Variants in POGLUT2 observed in about 807,000 individuals in gnomAD.
POGLUT2 encodes the protein ER protein 58.
A neutral mutation model predicts 57.6 loss-of-function variants in POGLUT2; 47 were observed. The observed-to-expected ratio is 0.82, with a 90% CI of 0.65 to 1.04. The LOEUF is 1.04. POGLUT2 is among the 50% of genes least tolerant of loss of function. The pLI is 0.00. For synonymous variants in POGLUT2, 200 were observed against 218.8 expected (o/e 0.91, Z 0.76); for missense variants, 565 against 614.8 (o/e 0.92, Z 0.86).
chr13:102,798,487 A>T lies in POGLUT2; in HGVS notation c.182+2T>A. 2 of 1,573,448 alleles carry T rather than the reference A, an allele frequency of 1.3e-6. No homozygotes were observed. The highest frequency in any genetic ancestry group is 1.7e-6 in the Non-Finnish European group (2 of 1,158,062). On this transcript the variant is annotated splice_donor_variant, in intron 1 of 9. Transcript: ENST00000376004. LOFTEE classifies it high-confidence loss of function. Reference sequence around the variant, plus strand: ...TAGGTAAGGAGCCGTTTCTCGACTTACTTATTCCCTGATGTATCCACTGCC... The same window carrying T: ...TAGGTAAGGAGCCGTTTCTCGACTTTCTTATTCCCTGATGTATCCACTGCC...
rs7993350 is a variant in POGLUT2 at position 102,798,700 on chromosome 13, C to T, written c.-30G>A. ...AAGACGGACTCTCGAAATGATCCAC[C>T]GATAAATGAAGAAGTGTAAGAGGTG... is the stretch of plus-strand genomic sequence containing the variant. On this transcript the variant is annotated 5_prime_UTR_variant, in exon 1 of 10. Transcript: ENST00000376004. 1 of 1,556,426 alleles carries T rather than the reference C, an allele frequency of 6.4e-7. No homozygotes were observed.
At chr13:102,788,074 C>A (rs183974374) in intron 7 of POGLUT2, 151 bp from the exon 8 acceptor site, 294 of 509,558 alleles carry the variant, frequency 5.8e-4, no homozygotes, top group African/African-American at 4.9e-3. Flanking sequence ...GAACATTTAA[C>A]AGAGTATGTT....
Position 102,798,663 on chromosome 13 carries a change from C to A in POGLUT2, c.8G>T (p.Gly3Val), listed in dbSNP as rs201869740. The A allele has an allele frequency of 6.3e-7, 1 of 1,591,460 alleles. No individual in the cohort carries two copies. Among genetic ancestry groups the A allele is most frequent in the Admixed American group, 1.8e-5 (1 of 56,902 alleles). MF[G>V]TLLLYCFFLA... The stretch of plus-strand genomic sequence containing the variant: ...AAAGAAGCAATAAAGTAGCAAAGTG[C>A]CAAACATTTACAAGACGGACTCTCG... Residue 3 changes from glycine to valine, a missense_variant, in exon 1 of 10, where the codon GGC (glycine) becomes GTC (valine). Physicochemically the swap from Gly to Val is moderately radical, Grantham distance 109. Transcript: ENST00000376004.
In POGLUT2 at chr13:102,796,490, A is replaced by C. The variant is rs111540182; in HGVS notation, c.388+314T>G. ...TTACTTAAGTCATATATTTCCAATT[A>C]AGAAAGTATCATATATGAGCATGAA... On this transcript the variant is annotated intron_variant, in intron 2 of 9. Transcript: ENST00000376004. 5.3e-3 allele frequency among the ~76,000 whole-genome samples: 799 copies of C among 151,196 alleles called. 13 individuals carry two copies. The highest frequency in any genetic ancestry group is 0.018 in the African/African-American group (759 of 41,414).
rs184889384 is a variant in POGLUT2, at chr13:102,789,789, G to A, written c.1084-568C>T. Reference sequence around the variant, plus strand: ...ATTTTTGTATTTTTAGTAGAGATGCGGTTTCACCATGTTGGCCAGGCTGGT... The same window carrying A: ...ATTTTTGTATTTTTAGTAGAGATGCAGTTTCACCATGTTGGCCAGGCTGGT... On this transcript the variant is annotated intron_variant, in intron 6 of 9. Coordinates refer to ENST00000376004, the MANE Select transcript of POGLUT2 (RefSeq NM_024089.3). Among the ~76,000 whole-genome samples, 93 of 152,202 alleles carry A rather than the reference G, an allele frequency of 6.1e-4. 2 individuals are homozygous for A. The East Asian group carries it at 0.015, about 24-fold the overall frequency.
Position 102,798,596 on chromosome 13 carries a change from C to T in POGLUT2, c.75G>A (p.Arg25=). The T allele has an allele frequency of 6.2e-7, 1 of 1,613,670 alleles. No homozygotes were observed. Residue 25 remains arginine (R), a synonymous_variant, in exon 1 of 10, where the codon AGG becomes AGA. Transcript: ENST00000376004. ...VPALAETGGE[R]QLSPEKSEIW... is the part of the protein sequence containing the mutation. ...TTTCGCTCTTCTCCGGGCTCAGCTG[C>T]CTTTCTCCGCCGGTCTCGGCGAGTG...
chr13:102,798,056 G>A (rs1566440315), intron 1 of POGLUT2, among the ~76,000 whole-genome samples: 1 of 152,092 alleles, frequency 6.6e-6, no homozygotes, highest in Non-Finnish European at 1.5e-5. Flanking sequence ...GTTTCAAATA[G>A]TACTTCATTT....
intron 4 of POGLUT2, chr13:102,791,868 GCTTC>G (rs1878193584): frequency 4.5e-6 from 3 of 664,214 alleles, no homozygotes; most frequent in Non-Finnish European, 6.8e-6. Flanking sequence ...TTCAAGCTAT[GCTTC>G]CTTCCTCTAC....
At chr13:102,793,297 G>C (rs1404265168) in intron 4 of POGLUT2, 44 bp downstream of exon 4, 1 of 1,034,874 alleles carries the variant, frequency 9.7e-7, no homozygotes, top group East Asian at 2.4e-5. Context: ...TGTAAAATCT[G>C]GGCTTAAATT....
At position 102,784,450 on chromosome 13, in the gene POGLUT2, A is replaced by G. The variant is rs183949385; in HGVS notation, c.*45T>C. ...AAAAAATTCTTCTTTTTAGTTAAGA[A>G]GAGTCTTCAGAGCACCATTATTCTA... is the stretch of plus-strand genomic sequence containing the variant. On this transcript the variant is annotated 3_prime_UTR_variant, in exon 10 of 10. Transcript: ENST00000376004. 121 of 1,226,302 alleles carry G rather than the reference A, an allele frequency of 9.9e-5. No homozygotes were observed. The East Asian group carries it at 2.1e-3, about 21-fold the overall frequency. 76.0% of individuals were successfully genotyped at this position (1,226,302 alleles called of 1,614,324 possible).
intron 1 of POGLUT2, among the ~76,000 whole-genome samples, chr13:102,797,386 T>TC (rs1878449751): frequency 1.3e-5 from 2 of 152,234 alleles, no homozygotes; most frequent in African/African-American, 4.8e-5. Flanking sequence ...GATAATGATC[T>TC]TATTTTGAAA....
intron 6 of POGLUT2, among the ~76,000 whole-genome samples, chr13:102,789,754 C>G (rs1036185112): frequency 6.6e-6 from 1 of 152,144 alleles, no homozygotes; most frequent in Non-Finnish European, 1.5e-5. Flanking sequence ...CGCACCACCA[C>G]GCCCAGCTAA....
At chr13:102,798,032 T>C (rs530100465) in intron 1 of POGLUT2, among the ~76,000 whole-genome samples, 3 of 152,334 alleles carry the variant, frequency 2.0e-5, no homozygotes, top group Middle Eastern at 3.4e-3. Flanking sequence ...GATACTTTCC[T>C]TCCGAACTCT....
At chr13:102,785,789 G>C (rs1877918647) in intron 9 of POGLUT2, among the ~76,000 whole-genome samples, 1 of 152,166 alleles carries the variant, frequency 6.6e-6, no homozygotes, top group African/African-American at 2.4e-5. Context: ...TTATGTAGTG[G>C]TATCAACTGA....
chr13:102,787,779 G>T, intron 8 of POGLUT2, 55 bp downstream of exon 8: 1 of 909,452 alleles, frequency 1.1e-6, no homozygotes, highest in Non-Finnish European at 1.7e-6. Flanking sequence ...AATATTATTT[G>T]TTCTTAACAT....
rs763133995 is a variant in POGLUT2, at chr13:102,784,308, T to A, written c.*187A>T. ...CTTTAAAATAAAGGTGGTTTTATTA[T>A]AAAATTCTAAAAATGTACTTTAAAG... On this transcript the variant is annotated 3_prime_UTR_variant, in exon 10 of 10. Coordinates refer to ENST00000376004, the MANE Select transcript of POGLUT2 (RefSeq NM_024089.3). The A allele has an allele frequency of 3.7e-5, 18 of 480,296 alleles. No homozygotes were observed. The highest frequency in any genetic ancestry group is 6.8e-5 in the Non-Finnish European group (18 of 264,272). 29.8% of individuals were successfully genotyped at this position (480,296 alleles called of 1,614,324 possible).
chr13:102,796,699 AATATATAT>A (rs869271164), intron 2 of POGLUT2, 97 bp downstream of exon 2: 61 of 151,310 alleles, frequency 4.0e-4, no homozygotes, highest in Non-Finnish European at 6.1e-4. Context: ...AAAAAAAAAA[AATATATAT>A]ATATATATAT....
chr13:102,786,851 CT>C (rs1185235863), intron 8 of POGLUT2, among the ~76,000 whole-genome samples: 1 of 152,160 alleles, frequency 6.6e-6, no homozygotes, highest in East Asian at 1.9e-4. Context: ...GGTTTGTCCT[CT>C]GCTTCCCTCT....
At position 102,793,345 on chromosome 13, in the gene POGLUT2, C is replaced by T. The variant is rs768210335; in HGVS notation, c.668G>A (p.Arg223Lys). The T allele has an allele frequency of 6.6e-7, 1 of 1,513,822 alleles. No homozygotes were observed. The highest frequency in any genetic ancestry group is 9.2e-7 in the Non-Finnish European group (1 of 1,090,504). The allele number at this position is 1,513,822 out of a possible 1,614,324, so 93.8% of individuals were successfully genotyped here. The change falls in exon 4 of 10, where the codon AGA becomes AAA. Residue 223 changes from arginine to lysine, a missense_variant. Transcript: ENST00000376004. ...FMDAILLSLTRKVKMPDVELF... is the reference protein window; with the variant it reads ...FMDAILLSLTKKVKMPDVELF... ...TAAGAGAAAATATATACTTACCTTTCTAGTCAAAGAAAGTAGTATGGCATC... is the reference window on the plus strand; with the variant it reads ...TAAGAGAAAATATATACTTACCTTTTTAGTCAAAGAAAGTAGTATGGCATC...
Sources: allele counts gnomAD v4.1 joint callset (sites outside exome capture counted in the v4.1 genomes callset), GRCh38; gene constraint gnomAD v4.1.1; transcripts MANE v1.5; gene names NCBI Gene and HGNC (gene_info 2026-07-23, HGNC 2026-07-21).